HYCC2: variants seen among roughly 807,000 people sequenced by gnomAD.
HYCC2 encodes hyccin 2.
chr2:200,973,764 A>G, the HYCC2 span: 1 of 152,280 alleles, frequency 6.6e-6, no homozygotes, highest in African/African-American at 2.4e-5. Flanking sequence ...TGTACAAAAA[A>G]ATTTACACTC....
chr2:201,042,661 G>A, the HYCC2 span, among the ~76,000 whole-genome samples: 1 of 151,488 alleles, frequency 6.6e-6, no homozygotes, highest in South Asian at 2.1e-4. Flanking sequence ...CGGGAAGTGA[G>A]GAGCGTCTCC....
At chr2:201,051,470 T>C in the HYCC2 span, among the ~76,000 whole-genome samples, 3 of 152,212 alleles carry the variant, frequency 2.0e-5, no homozygotes, top group East Asian at 1.9e-4. Context: ...AAAGACTCTA[T>C]AGATTATTAA....
the HYCC2 span, among the ~76,000 whole-genome samples, chr2:201,005,443 A>G: frequency 1.3e-5 from 2 of 152,084 alleles, no homozygotes; most frequent in African/African-American, 4.8e-5. Flanking sequence ...CAGTGGTTCC[A>G]GTACCAGTGC....
At chr2:201,001,078 C>G in the HYCC2 span, among the ~76,000 whole-genome samples, 1 of 147,758 alleles carries the variant, frequency 6.8e-6, no homozygotes, top group Admixed American at 6.9e-5. Context: ...GCAGAGGGTG[C>G]AGTGAGCCAA....
chr2:200,989,902 G>T, the HYCC2 span, among the ~76,000 whole-genome samples: 23 of 151,854 alleles, frequency 1.5e-4, no homozygotes, highest in African/African-American at 5.6e-4. Flanking sequence ...TAAGAATACT[G>T]TTATCAAAAT....
the HYCC2 span, among the ~76,000 whole-genome samples, chr2:201,048,521 T>C: frequency 6.6e-6 from 1 of 150,814 alleles, no homozygotes; most frequent in Non-Finnish European, 1.5e-5. Context: ...TTTTTTTTTT[T>C]AAGCTCATCA....
chr2:201,001,611 T>G, the HYCC2 span, among the ~76,000 whole-genome samples: 1 of 152,128 alleles, frequency 6.6e-6, no homozygotes, highest in African/African-American at 2.4e-5. Flanking sequence ...GATCCATTCA[T>G]GTAAAATGTC....
the HYCC2 span, chr2:201,024,023 C>A: frequency 6.2e-7 from 1 of 1,608,086 alleles, no homozygotes; most frequent in Middle Eastern, 1.7e-4. Context: ...CTTTTACCTT[C>A]TACTCCTCTT....
At chr2:200,988,868 G>T in the HYCC2 span, among the ~76,000 whole-genome samples, 1 of 152,178 alleles carries the variant, frequency 6.6e-6, no homozygotes, top group Non-Finnish European at 1.5e-5. Flanking sequence ...TGACATACCT[G>T]GTAATTGCCA....
the HYCC2 span, among the ~76,000 whole-genome samples, chr2:201,049,631 G>A: frequency 6.6e-6 from 1 of 151,954 alleles, no homozygotes; most frequent in Non-Finnish European, 1.5e-5. Context: ...GAGATTACAG[G>A]CGTAAGCCAC....
the HYCC2 span, chr2:201,067,012 GTTCA>G: frequency 5.7e-6 from 2 of 353,114 alleles, no homozygotes; most frequent in African/African-American, 4.3e-5. Context: ...ACATATTTGT[GTTCA>G]TTGTGGATGT....
the HYCC2 span, among the ~76,000 whole-genome samples, chr2:200,993,856 G>A: frequency 2.0e-5 from 3 of 151,962 alleles, no homozygotes; most frequent in East Asian, 1.9e-4. Context: ...GCATGGTGGC[G>A]GGTGCCTGTA....
the HYCC2 span, among the ~76,000 whole-genome samples, chr2:201,049,121 C>CT: frequency 7.8e-5 from 11 of 141,230 alleles, no homozygotes; most frequent in East Asian, 2.1e-3. Context: ...AAGACTCTGT[C>CT]TTAAAAAAAA....
the HYCC2 span, among the ~76,000 whole-genome samples, chr2:201,000,217 AT>A: frequency 6.6e-6 from 1 of 151,532 alleles, no homozygotes; most frequent in Admixed American, 6.6e-5. Flanking sequence ...TACAAAAATA[AT>A]TTTTTTAATT....
At chr2:201,030,227 T>C in the HYCC2 span, among the ~76,000 whole-genome samples, 2 of 152,234 alleles carry the variant, frequency 1.3e-5, no homozygotes, top group African/African-American at 2.4e-5. Flanking sequence ...TTGATTTTTA[T>C]TTACTGGAAA....
chr2:201,067,280 TA>T, the HYCC2 span: 1 of 155,918 alleles, frequency 6.4e-6, no homozygotes, highest in Admixed American at 6.5e-5. Context: ...AACAGTTAAG[TA>T]TTCAAAATGA....
chr2:201,004,873 C>T, the HYCC2 span, among the ~76,000 whole-genome samples: 1 of 151,942 alleles, frequency 6.6e-6, no homozygotes, highest in Non-Finnish European at 1.5e-5. Flanking sequence ...AAAAATTAGC[C>T]AGGCATGGTG....
chr2:200,983,382 C>A, the HYCC2 span, among the ~76,000 whole-genome samples: 1 of 152,122 alleles, frequency 6.6e-6, no homozygotes, highest in African/African-American at 2.4e-5. Context: ...TAAACACAAT[C>A]TTTTATTTAA....
the HYCC2 span, among the ~76,000 whole-genome samples, chr2:201,007,522 G>A: frequency 6.6e-6 from 1 of 152,160 alleles, no homozygotes; most frequent in African/African-American, 2.4e-5. Flanking sequence ...TTGTAAAGTT[G>A]AAAAACCTTA....
Sources: gnomAD v4.1 joint callset for allele counts (sites outside exome capture counted in the v4.1 genomes callset) on GRCh38, gnomAD v4.1.1 for gene constraint, MANE v1.5 for transcripts, NCBI Gene and HGNC (gene_info 2026-07-23, HGNC 2026-07-21) for gene names.